The following HELT variants were observed in gnomAD, a reference collection of about 807,000 sequenced individuals.
HELT encodes the protein helt bHLH transcription factor.
Under a neutral mutation model 19.5 loss-of-function variants are expected in HELT, and 9 were observed. That is an observed-to-expected ratio of 0.46 (90% CI 0.28 to 0.80). The LOEUF is 0.80. HELT is among the 30% of genes least tolerant of loss of function. The pLI, the probability that HELT is intolerant of heterozygous loss-of-function variation, is 0.12. For synonymous variants in HELT, 162 were observed against 148.3 expected, an observed-to-expected ratio of 1.09 and a Z score of -0.67; for missense variants, 366 against 326.3, an observed-to-expected ratio of 1.12 and a Z score of -0.94.
In HELT at chr4:185,019,907, G is replaced by T; in HGVS notation, c.229+64G>T. 3.6e-6 allele frequency: 5 copies of T among 1,405,702 alleles called. No individual in the cohort carries two copies. The South Asian group carries it at 3.7e-5, about 10-fold the overall frequency. 87.1% of individuals were successfully genotyped at this position (1,405,702 alleles called of 1,614,324 possible). A position where few individuals can be genotyped will look rare whatever the true frequency, so the allele number is the denominator to read the frequency against. ...GCCTGCGCCACCCAGAGACCCTGGG[G>T]CTGGGAGGGGAGTGACTGAGTGTTC... is the stretch of plus-strand genomic sequence containing the variant. On this transcript the variant is annotated intron_variant, in intron 3 of 3. Transcript: ENST00000515777.
chr4:185,019,343 T>TC, intron 1 of HELT, 44 bp from the exon 2 acceptor site: 1 of 1,523,184 alleles, frequency 6.6e-7, no homozygotes, highest in Non-Finnish European at 9.0e-7. Flanking sequence ...CTTTGACGAC[T>TC]TCCCGGGCAA....
In HELT at chr4:185,018,868, G is replaced by A. The variant is rs750892974; in HGVS notation, c.-61G>A. ...CTGGGACACTCGAGGAGGCACACGA[G>A]GCGGAAAAGTGGACGGGTGCCCCGC... On this transcript the variant is annotated 5_prime_UTR_variant, in exon 1 of 4. Transcript: ENST00000515777. The A allele has an allele frequency of 7.8e-6, 12 of 1,530,164 alleles. No individual in the cohort carries two copies. The highest frequency in any genetic ancestry group is 8.8e-6 in the Non-Finnish European group (10 of 1,130,542). The allele number at this position is 1,530,164 out of a possible 1,614,324, so 94.8% of individuals were successfully genotyped here. A position where few individuals can be genotyped will look rare whatever the true frequency, so the allele number is the denominator to read the frequency against.
chr4:185,019,271 A>G, intron 1 of HELT, 116 bp from the exon 2 acceptor site: 2 of 1,115,594 alleles, frequency 1.8e-6, no homozygotes, highest in Non-Finnish European at 2.6e-6. Flanking sequence ...CCCTTCCTAG[A>G]GCGAATCTGA....
Position 185,020,667 on chromosome 4 carries a change from C to T in HELT, c.624C>T (p.Phe208=). 1.2e-6 allele frequency: 2 copies of T among 1,604,718 alleles called. No individual in the cohort carries two copies. Among genetic ancestry groups the T allele is most frequent in the East Asian group, 4.5e-5 (2 of 44,756 alleles). Residue 208 remains phenylalanine (F), a synonymous_variant, in exon 4 of 4, where the codon TTC becomes TTT. Transcript: ENST00000515777. ...GCCCAGCGCAGCAGCACAGCCCCTT[C>T]CTGACACCGGTGCAGGGCCTGGACC... ...LASPAQQHSP[F]LTPVQGLDRH...
Position 185,018,905 on chromosome 4 carries a change from TC to T in HELT, c.-21del. 6.4e-7 allele frequency: 1 copy of T among 1,559,958 alleles called. No individual in the cohort carries two copies. The highest frequency in any genetic ancestry group is 8.7e-7 in the Non-Finnish European group (1 of 1,146,980). On this transcript the variant is annotated 5_prime_UTR_variant, in exon 1 of 4. Coordinates refer to ENST00000515777, the MANE Select transcript of HELT (RefSeq NM_001300781.2). ...GACGGGTGCCCCGCGCCACCGCCTC[TC>T]CCGAGGGCGCGTACTGACCAGGATG...
intron 1 of HELT, 154 bp from the exon 2 acceptor site, chr4:185,019,233 C>G (rs1733984048): frequency 8.4e-7 from 1 of 1,195,058 alleles, no homozygotes; most frequent in Non-Finnish European, 1.2e-6. Flanking sequence ...GCAGAGCTCA[C>G]CTGGCCCGAG....
Position 185,019,210 on chromosome 4 carries a change from C to T in HELT, c.28-177C>T, listed in dbSNP as rs1471532560. On this transcript the variant is annotated intron_variant, in intron 1 of 3. Coordinates refer to ENST00000515777, the MANE Select transcript of HELT (RefSeq NM_001300781.2). ...TGGCTGGAAGGGGAGCGCGCCAGCG[C>T]GGGCGTCAGAAGGCAGAGCTCACCT... is the stretch of plus-strand genomic sequence containing the variant. 2.3e-6 allele frequency: 3 copies of T among 1,324,174 alleles called. No individual in the cohort carries two copies. In the South Asian group the frequency reaches 4.5e-5, roughly 20 times the overall value. 82.0% of individuals were successfully genotyped at this position (1,324,174 alleles called of 1,614,324 possible).
At chr4:185,019,606 C>CG (rs1554037915) in intron 2 of HELT, 115 bp downstream of exon 2, 3 of 1,577,766 alleles carry the variant, frequency 1.9e-6, no homozygotes, top group East Asian at 4.6e-5. Flanking sequence ...CCCTCCCAGG[C>CG]GGGGGGCCTG....
At chr4:185,019,956 C>G (rs764978250) in intron 3 of HELT, 113 bp downstream of exon 3, 1 of 1,014,746 alleles carries the variant, frequency 9.9e-7, no homozygotes, top group African/African-American at 1.6e-5. Flanking sequence ...TAGAGCTCCA[C>G]TCTCCAGGAG....
chr4:185,019,307 C>G (rs4862491), intron 1 of HELT, 80 bp from the exon 2 acceptor site: 1 of 1,268,834 alleles, frequency 7.9e-7, no homozygotes, highest in Non-Finnish European at 1.1e-6. Flanking sequence ...GGAGAGGCGG[C>G]TTGCACCCAG....
intron 2 of HELT, 22 bp downstream of exon 2, chr4:185,019,513 C>A: frequency 6.3e-7 from 1 of 1,587,918 alleles, no homozygotes; most frequent in East Asian, 2.3e-5. Context: ...GACCCGGAGC[C>A]GGGTGCCAGG....
In HELT at chr4:185,018,736, A is replaced by G. The variant is rs1453179410; in HGVS notation, c.-193A>G. 4.4e-6 allele frequency: 2 copies of G among 457,932 alleles called. No individual in the cohort carries two copies. The highest frequency in any genetic ancestry group is 7.5e-6 in the Non-Finnish European group (2 of 265,526). 28.4% of individuals were successfully genotyped at this position (457,932 alleles called of 1,614,324 possible). A position where few individuals can be genotyped will look rare whatever the true frequency, so the allele number is the denominator to read the frequency against. On this transcript the variant is annotated 5_prime_UTR_variant, in exon 1 of 4. Transcript: ENST00000515777. ...TGATCTTGAATGCATACATCCTCCA[A>G]ACGCAGCTCCCCTAATCCTATGGAA...
chr4:185,020,617 C>T lies in HELT; in HGVS notation c.574C>T (p.Pro192Ser), dbSNP rs752845840. Residue 192 changes from proline (P) to serine (S), a missense_variant, in exon 4 of 4, where the codon CCC becomes TCC. Transcript: ENST00000515777. ...AARSPALPYL[P>S]SAPVPLASPA... ...CCGCAGCCCCGCGCTGCCCTACCTG[C>T]CCAGCGCGCCAGTGCCGCTCGCTAG... 6.2e-7 allele frequency: 1 copy of T among 1,601,150 alleles called. No homozygotes were observed. Among genetic ancestry groups the T allele is most frequent in the Admixed American group, 1.7e-5 (1 of 59,716 alleles).
chr4:185,019,255 A>G, intron 1 of HELT, 132 bp from the exon 2 acceptor site: 1 of 1,121,954 alleles, frequency 8.9e-7, no homozygotes, highest in Non-Finnish European at 1.3e-6. Context: ...GTGGCGGGCC[A>G]GGAGTCCCTT....
chr4:185,019,946 T>A, intron 3 of HELT, 103 bp downstream of exon 3: 1 of 1,072,200 alleles, frequency 9.3e-7, no homozygotes, highest in Non-Finnish European at 1.4e-6. Context: ...AGAGCTCTAC[T>A]AGAGCTCCAC....
Position 185,020,609 on chromosome 4 carries a change from C to T in HELT, c.566C>T (p.Pro189Leu). Residue 189 changes from proline to leucine, a missense_variant, in exon 4 of 4, where the codon CCC (proline) becomes CTC (leucine). Coordinates refer to ENST00000515777, the MANE Select transcript of HELT (RefSeq NM_001300781.2). ...GGCGCGGCCCGCAGCCCCGCGCTGC[C>T]CTACCTGCCCAGCGCGCCAGTGCCG... ...PPGAARSPALPYLPSAPVPLA... is the reference protein window; with the variant it reads ...PPGAARSPALLYLPSAPVPLA... 6.3e-7 allele frequency: 1 copy of T among 1,599,326 alleles called. No homozygotes were observed. The highest frequency in any genetic ancestry group is 1.7e-4 in the Middle Eastern group (1 of 5,840).
At position 185,020,379 on chromosome 4, in the gene HELT, C is replaced by T. The variant is rs772163649; in HGVS notation, c.336C>T (p.Asp112=). 6.2e-6 allele frequency: 10 copies of T among 1,614,250 alleles called. No homozygotes were observed. Among genetic ancestry groups the T allele is most frequent in the Non-Finnish European group, 8.5e-6 (10 of 1,180,052 alleles). ...CGGTGGAGCGGATGGAGACCAAGGA[C>T]ACGAAGTACGCGCGCATCCTCGCCT... ...LTTVERMETK[D]TKYARILAFL... Residue 112 remains aspartate (D), a synonymous_variant, in exon 4 of 4, where the codon GAC becomes GAT. Coordinates refer to ENST00000515777, the MANE Select transcript of HELT (RefSeq NM_001300781.2).
At chr4:185,019,989 C>T in intron 3 of HELT, 146 bp downstream of exon 3, 1 of 862,360 alleles carries the variant, frequency 1.2e-6, no homozygotes, top group Non-Finnish European at 1.8e-6. Context: ...GCGAAGGCGC[C>T]TCTCCCTGCT....
In HELT at chr4:185,019,827, C is replaced by A. The variant is rs199875932; in HGVS notation, c.213C>A (p.Pro71=). The A allele has an allele frequency of 6.2e-7, 1 of 1,613,512 alleles. No individual in the cohort carries two copies. The change falls in exon 3 of 4, where the codon CCC becomes CCA. Residue 71 remains proline, a synonymous_variant. Transcript: ENST00000515777. ...YLRALHSADF[P]RGREKAELLA... is the part of the protein sequence containing the mutation. ...GAGCACTGCACTCCGCTGATTTTCC[C>A]CGGGGAAGGGAAAAAGGTGGGCACA... is the stretch of plus-strand genomic sequence containing the variant.
Sources: gnomAD v4.1 joint callset for allele counts on GRCh38, gnomAD v4.1.1 for gene constraint, MANE v1.5 for transcripts, NCBI Gene and HGNC (gene_info 2026-07-23, HGNC 2026-07-21) for gene names.